RGS6: variants seen among roughly 807,000 people sequenced by gnomAD.
The protein encoded by RGS6 is regulator of G-protein signaling 6.
In RGS6, 30 loss-of-function variants were observed where a neutral mutation model predicts 78.5. The observed-to-expected ratio is 0.38, with a 90% CI of 0.29 to 0.52. RGS6 has a LOEUF of 0.52. Ranked by LOEUF, RGS6 falls within the 20% of genes least tolerant of loss-of-function variation. The pLI is 0.85. For synonymous variants in RGS6, 206 were observed against 206.0 expected, an observed-to-expected ratio of 1.00 and a Z score of 0.00; for missense variants, 495 against 609.7, an observed-to-expected ratio of 0.81 and a Z score of 1.98.
chr14:71,967,189 G>GTATATATATATATATATATATATATATA lies in RGS6; in HGVS notation c.84+2335_84+2336insATATATATATATATATATATATATATAT, dbSNP rs10571406. On this transcript the variant is annotated intron_variant, in intron 2 of 17. Coordinates refer to ENST00000553525, the MANE Select transcript of RGS6 (RefSeq NM_001204424.2). The stretch of plus-strand genomic sequence containing the variant: ...TTCGTGTGACAAACTTGTGTAAAGA[G>GTATATATATATATATATATATATATATA]TATATATATATATATATATATGTTC... 5.3e-4 allele frequency among the ~76,000 whole-genome samples: 77 copies of GTATATATATATATATATATATATATATA among 145,812 alleles called. 1 individual carries two copies. Among genetic ancestry groups the GTATATATATATATATATATATATATATA allele is most frequent in the African/African-American group, 2.0e-3 (76 of 38,828 alleles).
chr14:72,358,561 A>G (rs2681766), intron 3 of RGS6, among the ~76,000 whole-genome samples: 150,943 of 152,380 alleles, frequency 0.99, 74,761 homozygotes, highest in Middle Eastern at 1. Flanking sequence ...TTAGTTACCT[A>G]TTGGATTTCA....
chr14:72,554,489 C>A (rs909407922), intron 17 of RGS6, among the ~76,000 whole-genome samples: 24 of 152,230 alleles, frequency 1.6e-4, no homozygotes. Flanking sequence ...AATAGCAACA[C>A]AGCCATGTCC....
At chr14:71,905,658 T>A in the RGS6 span, among the ~76,000 whole-genome samples, 5 of 152,034 alleles carry the variant, frequency 3.3e-5, no homozygotes, top group Non-Finnish European at 7.4e-5. Context: ...ACCGGATAAT[T>A]TTTGTATTTT....
the RGS6 span, among the ~76,000 whole-genome samples, chr14:72,582,697 G>A: frequency 0.83 from 125,754 of 152,088 alleles, 52,167 homozygotes; most frequent in East Asian, 0.92. Flanking sequence ...CGACCCAAAG[G>A]ACAACATCTG....
the RGS6 span, among the ~76,000 whole-genome samples, chr14:71,912,919 G>C: frequency 6.6e-6 from 1 of 151,828 alleles, no homozygotes; most frequent in Non-Finnish European, 1.5e-5. Context: ...TCTGACTCCC[G>C]GGTTCATGCC....
chr14:72,540,706 A>G (rs776360616), intron 17 of RGS6: 103 of 1,347,332 alleles, frequency 7.6e-5, no homozygotes, highest in Non-Finnish European at 9.3e-5. Flanking sequence ...ACAGTGTGAT[A>G]GGGAGAGGAG....
At position 72,258,154 on chromosome 14, in the gene RGS6, C is replaced by T. The variant is rs114565796; in HGVS notation, c.85-93941C>T. 3.3e-3 allele frequency among the ~76,000 whole-genome samples: 510 copies of T among 152,308 alleles called. 1 individual carries two copies. Among genetic ancestry groups the T allele is most frequent in the African/African-American group, 0.012 (495 of 41,570 alleles). On this transcript the variant is annotated intron_variant, in intron 2 of 17. Transcript: ENST00000553525. ...GAGGATTTATCTGGGCTGTCTTACT[C>T]ATAAAACTGCACAATGGCCTAGATT...
intron 3 of RGS6, among the ~76,000 whole-genome samples, chr14:72,383,214 A>ATATATATG (rs2086788629): frequency 2.7e-5 from 2 of 73,108 alleles, no homozygotes; most frequent in African/African-American, 5.3e-5. Flanking sequence ...ATATATATAT[A>ATATATATG]CACACAAACA....
chr14:71,985,717 C>A (rs569621215), intron 2 of RGS6, among the ~76,000 whole-genome samples: 137 of 152,286 alleles, frequency 9.0e-4, no homozygotes, highest in African/African-American at 3.2e-3. Flanking sequence ...GCATCCCCAT[C>A]CTAGTGTCTG....
chr14:72,405,194 T>C (rs1279427624), intron 3 of RGS6, among the ~76,000 whole-genome samples: 1 of 152,188 alleles, frequency 6.6e-6, no homozygotes, highest in Non-Finnish European at 1.5e-5. Flanking sequence ...GGCAGGAATG[T>C]GTCCCTGCAG....
chr14:72,265,028 G>T (rs1453398989), intron 2 of RGS6, among the ~76,000 whole-genome samples: 1 of 152,134 alleles, frequency 6.6e-6, no homozygotes. Flanking sequence ...AAATCCAAAT[G>T]ATCACATATG....
At chr14:71,929,598 G>C (rs1488598865), upstream of RGS6, among the ~76,000 whole-genome samples, 2 of 152,104 alleles carry the variant, frequency 1.3e-5, no homozygotes, top group Non-Finnish European at 2.9e-5. Flanking sequence ...ATGTATTAAT[G>C]AACATTTTTA....
At chr14:71,950,817 A>C (rs906996041) in intron 1 of RGS6, among the ~76,000 whole-genome samples, 2 of 152,222 alleles carry the variant, frequency 1.3e-5, no homozygotes, top group Admixed American at 1.3e-4. Context: ...AAAGATTAAC[A>C]TCACTGATCA....
intron 3 of RGS6, among the ~76,000 whole-genome samples, chr14:72,374,310 A>T (rs936350954): frequency 6.6e-6 from 1 of 150,546 alleles, no homozygotes; most frequent in Non-Finnish European, 1.5e-5. Context: ...TCATTGTTCA[A>T]TTCCTACCTA....
chr14:71,965,422 T>C (rs1451150911), intron 2 of RGS6, among the ~76,000 whole-genome samples: 3 of 152,206 alleles, frequency 2.0e-5, no homozygotes, highest in Non-Finnish European at 4.4e-5. Context: ...AAGAGTGGTC[T>C]TTGAACTCAG....
intron 2 of RGS6, among the ~76,000 whole-genome samples, chr14:72,182,297 C>G (rs915253954): frequency 1.3e-5 from 2 of 151,622 alleles, no homozygotes; most frequent in African/African-American, 4.9e-5. Flanking sequence ...GTAGTCCTAG[C>G]TACTCAGTGG....
intron 2 of RGS6, among the ~76,000 whole-genome samples, chr14:72,227,053 C>T (rs1376856642): frequency 6.6e-6 from 1 of 152,144 alleles, no homozygotes; most frequent in Non-Finnish European, 1.5e-5. Flanking sequence ...CTACTTCTCT[C>T]CACTAGATAT....
intron 2 of RGS6, among the ~76,000 whole-genome samples, chr14:72,273,811 A>T (rs2060287557): frequency 6.6e-6 from 1 of 152,190 alleles, no homozygotes; most frequent in Non-Finnish European, 1.5e-5. Context: ...ATGGAGCTGC[A>T]TCCGTTTGCA....
chr14:72,112,233 G>A (rs1248440486), intron 2 of RGS6, among the ~76,000 whole-genome samples: 1 of 152,202 alleles, frequency 6.6e-6, no homozygotes. Context: ...ATGCCATGTA[G>A]TTAGTTGTTC....
Sources: allele counts gnomAD v4.1 joint callset (sites outside exome capture counted in the v4.1 genomes callset), GRCh38; gene constraint gnomAD v4.1.1; transcripts MANE v1.5; gene names NCBI Gene and HGNC (gene_info 2026-07-23, HGNC 2026-07-21).